Variants in NLRP14 observed in about 807,000 individuals in gnomAD.
NLRP14 encodes the protein NLR family pyrin domain containing 14.
A neutral mutation model predicts 94.7 loss-of-function variants in NLRP14; 105 were observed. The observed-to-expected ratio is 1.11, with a 90% CI of 0.95 to 1.30. The LOEUF (loss-of-function observed/expected upper bound fraction) is 1.30, where lower values mean the gene tolerates loss of function less well. Ranked by LOEUF, NLRP14 falls within the 50% of genes most tolerant of loss-of-function variation. NLRP14 has a pLI of 0.00. For synonymous variants in NLRP14, 508 were observed against 459.9 expected, an observed-to-expected ratio of 1.10 and a Z score of -1.34; for missense variants, 1,362 against 1,254.1, an observed-to-expected ratio of 1.09 and a Z score of -1.30.
the NLRP14 span, among the ~76,000 whole-genome samples, chr11:7,083,854 C>T: frequency 6.6e-6 from 1 of 152,084 alleles, no homozygotes; most frequent in Non-Finnish European, 1.5e-5. Flanking sequence ...TGCACTCCTC[C>T]CCAAATTCTC....
chr11:7,069,870 G>T (rs1227835635), intron 10 of NLRP14, among the ~76,000 whole-genome samples: 1 of 151,880 alleles, frequency 6.6e-6, no homozygotes, highest in Non-Finnish European at 1.5e-5. Context: ...CAGATGATCT[G>T]CCCACCTCAG....
chr11:7,042,653 G>A lies in NLRP14; in HGVS notation c.627G>A (p.Arg209=), dbSNP rs758129908. Reference sequence around the variant, plus strand: ...CAGAGGGCAGTCTCTACCAGCAGAGGTTTAAGTATGTTTTTTATCTCAATG... The same window carrying A: ...CAGAGGGCAGTCTCTACCAGCAGAGATTTAAGTATGTTTTTTATCTCAATG... ...DWAEGSLYQQ[R]FKYVFYLNGR... is the part of the protein sequence containing the mutation. Residue 209 remains arginine (R), a synonymous_variant, in exon 4 of 12, where the codon AGG becomes AGA. Transcript: ENST00000299481. The A allele has an allele frequency of 6.8e-6, 11 of 1,614,092 alleles. No individual in the cohort carries two copies. Among genetic ancestry groups the A allele is most frequent in the African/African-American group, 1.3e-5 (1 of 74,942 alleles).
chr11:7,038,819 T>G lies in NLRP14; in HGVS notation c.233T>G (p.Ile78Ser), dbSNP rs1053179550. 2.5e-6 allele frequency: 4 copies of G among 1,613,084 alleles called. No individual in the cohort carries two copies. Among genetic ancestry groups the G allele is most frequent in the Non-Finnish European group, 3.4e-6 (4 of 1,179,774 alleles). ...AAAGCCTGGAGTGTGTCTCTCAAAATCTTTGGCAAGATGAACCTGAAGGAT... is the reference window on the plus strand; with the variant it reads ...AAAGCCTGGAGTGTGTCTCTCAAAAGCTTTGGCAAGATGAACCTGAAGGAT... ...GEKAWSVSLK[I>S]FGKMNLKDLC... is the part of the protein sequence containing the mutation. The change falls in exon 2 of 12, where the codon ATC becomes AGC. Residue 78 changes from isoleucine (I) to serine (S), a missense_variant. Transcript: ENST00000299481.
intron 6 of NLRP14, among the ~76,000 whole-genome samples, chr11:7,056,862 A>G (rs1250540478): frequency 6.6e-6 from 1 of 152,016 alleles, no homozygotes; most frequent in African/African-American, 2.4e-5. Context: ...GAGCTTTTTC[A>G]GCCTTAGGCC....
rs189992828 is a variant in NLRP14 at position 7,065,811 on chromosome 11, C to T, written c.2975+3308C>T. ...TGCCACGGTGGTTTGCTGCACCCAT[C>T]AACCCATCATCTATATTAAGTTTTT... On this transcript the variant is annotated intron_variant, in intron 10 of 11. Coordinates refer to ENST00000299481, the MANE Select transcript of NLRP14 (RefSeq NM_176822.4). Among the ~76,000 whole-genome samples, 18 of 152,114 alleles carry T rather than the reference C, an allele frequency of 1.2e-4. 1 individual carries two copies. In the East Asian group the frequency reaches 3.3e-3, roughly 28 times the overall value.
At chr11:7,057,948 G>T in intron 7 of NLRP14, 101 bp downstream of exon 7, 2 of 941,680 alleles carry the variant, frequency 2.1e-6, no homozygotes, top group African/African-American at 1.6e-5. Flanking sequence ...GGCACTAACT[G>T]GCTCGTTTGT....
At chr11:7,066,106 C>G (rs1048923207) in intron 10 of NLRP14, among the ~76,000 whole-genome samples, 3 of 152,138 alleles carry the variant, frequency 2.0e-5, no homozygotes, top group African/African-American at 7.2e-5. Flanking sequence ...TCCAGTCTAT[C>G]ATTGATTGGC....
chr11:7,086,029 A>T, the NLRP14 span, among the ~76,000 whole-genome samples: 3 of 152,194 alleles, frequency 2.0e-5, no homozygotes, highest in Non-Finnish European at 4.4e-5. Context: ...ATATCTAAGA[A>T]CCTACTTTCA....
intron 10 of NLRP14, among the ~76,000 whole-genome samples, chr11:7,064,540 C>T (rs930820037): frequency 6.6e-6 from 1 of 152,066 alleles, no homozygotes; most frequent in Non-Finnish European, 1.5e-5. Context: ...TTCCCCTACA[C>T]CAATGAAATC....
chr11:7,090,172 C>G, the NLRP14 span: 489 of 1,613,742 alleles, frequency 3.0e-4, 1 homozygote, highest in Non-Finnish European at 3.8e-4. Flanking sequence ...CGTGGGCTCT[C>G]TCTGTCCATG....
At chr11:7,075,030 C>T (rs545346781), downstream of NLRP14, among the ~76,000 whole-genome samples, 70 of 152,026 alleles carry the variant, frequency 4.6e-4, no homozygotes, top group Non-Finnish European at 8.4e-4. Context: ...TGGTGTGGAG[C>T]CTTTTGAAAG....
chr11:7,038,049 G>A (rs1280360236), intron 1 of NLRP14, among the ~76,000 whole-genome samples: 1 of 152,110 alleles, frequency 6.6e-6, no homozygotes, highest in Admixed American at 6.6e-5. Context: ...TATTCTAATT[G>A]CATGTGTTTG....
At position 7,070,284 on chromosome 11, in the gene NLRP14, A is replaced by G. The variant is rs774931427; in HGVS notation, c.2976-2A>G. 2 of 1,605,312 alleles carry G rather than the reference A, an allele frequency of 1.2e-6. No individual in the cohort carries two copies. Among genetic ancestry groups the G allele is most frequent in the African/African-American group, 2.7e-5 (2 of 74,858 alleles). On this transcript the variant is annotated splice_acceptor_variant, in intron 10 of 11. Transcript: ENST00000299481. LOFTEE classifies it high-confidence loss of function. ...TTTATCTTTTGTCTCTCTTCTCTAC[A>G]GGTTGGAATACTGTGGTTTGACATC... is the stretch of plus-strand genomic sequence containing the variant.
At chr11:7,057,937 T>C (rs1852542890) in intron 7 of NLRP14, 90 bp downstream of exon 7, 4 of 995,574 alleles carry the variant, frequency 4.0e-6, no homozygotes. Flanking sequence ...TCTTGGGTCT[T>C]GGCACTAACT....
At chr11:7,057,933 G>T in intron 7 of NLRP14, 86 bp downstream of exon 7, 1 of 1,096,360 alleles carries the variant, frequency 9.1e-7, no homozygotes, top group Non-Finnish European at 1.4e-6. Flanking sequence ...AACTTCTTGG[G>T]TCTTGGCACT....
downstream of NLRP14, among the ~76,000 whole-genome samples, chr11:7,074,100 A>G (rs1852840621): frequency 6.6e-6 from 1 of 152,210 alleles, no homozygotes; most frequent in Admixed American, 6.5e-5. Context: ...ACTGCTTCAA[A>G]TATTCACAAA....
chr11:7,072,400 G>A (rs1852814259), downstream of NLRP14, among the ~76,000 whole-genome samples: 1 of 152,366 alleles, frequency 6.6e-6, no homozygotes, highest in African/African-American at 2.4e-5. Flanking sequence ...GAATTCAACT[G>A]AGAGGCAGAA....
At chr11:7,083,237 C>T in the NLRP14 span, among the ~76,000 whole-genome samples, 4 of 152,196 alleles carry the variant, frequency 2.6e-5, no homozygotes, top group African/African-American at 9.7e-5. Context: ...GGCATGTAAG[C>T]CAGCTCTTCA....
the NLRP14 span, among the ~76,000 whole-genome samples, chr11:7,079,507 G>A: frequency 6.6e-5 from 10 of 152,216 alleles, no homozygotes; most frequent in East Asian, 3.9e-4. Context: ...TTGCAATTTC[G>A]GGTATTATAA....
Sources: gnomAD v4.1 joint callset for allele counts (sites outside exome capture counted in the v4.1 genomes callset) on GRCh38, gnomAD v4.1.1 for gene constraint, MANE v1.5 for transcripts, NCBI Gene and HGNC (gene_info 2026-07-23, HGNC 2026-07-21) for gene names.